Variants in SLCO1A2 observed in about 807,000 individuals in gnomAD.
The protein encoded by SLCO1A2 is solute carrier organic anion transporter family member 1A2.
Under a neutral mutation model 69.0 loss-of-function variants are expected in SLCO1A2, and 67 were observed. The ratio of observed to expected loss-of-function variants is 0.97; its 90% CI spans 0.80 to 1.19. The LOEUF (loss-of-function observed/expected upper bound fraction) is 1.19. SLCO1A2 is among the 50% of genes most tolerant of loss of function. The pLI is 0.00. For missense variants in SLCO1A2, 787 were observed against 793.7 expected (o/e 0.99, Z 0.10); for synonymous variants, 260 against 265.9 (o/e 0.98, Z 0.22).
intron 2 of SLCO1A2, among the ~76,000 whole-genome samples, chr12:21,353,579 G>A (rs1938131865): frequency 6.6e-6 from 1 of 152,154 alleles, no homozygotes; most frequent in Admixed American, 6.5e-5. Context: ...TATCCCGTTT[G>A]TTCTCCCTTT....
intron 2 of SLCO1A2, among the ~76,000 whole-genome samples, chr12:21,321,825 A>T (rs1020560756): frequency 4.6e-5 from 7 of 152,238 alleles, no homozygotes; most frequent in Non-Finnish European, 8.8e-5. Flanking sequence ...CCATTCATTC[A>T]TTCTTTATCT....
At chr12:21,388,907 T>C (rs1046821796) in intron 1 of SLCO1A2, among the ~76,000 whole-genome samples, 4 of 152,240 alleles carry the variant, frequency 2.6e-5, no homozygotes, top group African/African-American at 9.6e-5. Flanking sequence ...CCAGAGTATA[T>C]GCAAACATAG....
In SLCO1A2 at chr12:21,299,892, A is replaced by G. The variant is rs201960366; in HGVS notation, c.910+456T>C. On this transcript the variant is annotated intron_variant, in intron 8 of 14. Coordinates refer to ENST00000683939, the MANE Select transcript of SLCO1A2 (RefSeq NM_001386879.1). The stretch of plus-strand genomic sequence containing the variant: ...CGTGTGTGTATATATATATACGTGT[A>G]TATATATATATACGTGTGTGTATAT... Among the ~76,000 whole-genome samples the G allele has an allele frequency of 6.0e-4, 9 of 14,886 alleles. No homozygotes were observed. The Admixed American group carries it at 6.6e-3, about 11-fold the overall frequency. 9.8% of individuals were successfully genotyped at this position (14,886 alleles called of 152,430 possible). A position where few individuals can be genotyped will look rare whatever the true frequency, so the allele number is the denominator to read the frequency against.
intron 10 of SLCO1A2, chr12:21,294,919 A>G (rs1483631017): frequency 6.6e-6 from 1 of 152,150 alleles, no homozygotes; most frequent in African/African-American, 2.4e-5. Context: ...ATTTCAATCT[A>G]ATAAACCTTG....
intron 2 of SLCO1A2, among the ~76,000 whole-genome samples, chr12:21,368,618 T>A (rs558162765): frequency 6.6e-6 from 1 of 152,258 alleles, no homozygotes; most frequent in African/African-American, 2.4e-5. Flanking sequence ...CTAAAAAATG[T>A]ACAGTTAAAA....
At chr12:21,300,599 C>T in intron 7 of SLCO1A2, 30 bp from the exon 8 acceptor site, 2 of 1,488,938 alleles carry the variant, frequency 1.3e-6, no homozygotes, top group Non-Finnish European at 1.8e-6. Flanking sequence ...CTGTTATTAG[C>T]TTAAGTCAGT....
intron 12 of SLCO1A2, among the ~76,000 whole-genome samples, chr12:21,284,713 C>T (rs1451063791): frequency 4.0e-4 from 51 of 126,282 alleles, no homozygotes; most frequent in East Asian, 3.1e-3. Context: ...CACTCAAAAC[C>T]GCTCAACTAC....
chr12:21,400,124 T>A (rs1941638006), upstream of SLCO1A2, among the ~76,000 whole-genome samples: 1 of 151,888 alleles, frequency 6.6e-6, no homozygotes, highest in Non-Finnish European at 1.5e-5. Flanking sequence ...CGCAACCTAC[T>A]CATCTGACAA....
intron 12 of SLCO1A2, among the ~76,000 whole-genome samples, chr12:21,282,762 A>G (rs1207690393): frequency 6.6e-6 from 1 of 152,142 alleles, no homozygotes; most frequent in Admixed American, 6.6e-5. Context: ...CAAAATCAAC[A>G]TAAAAAATCA....
upstream of SLCO1A2, among the ~76,000 whole-genome samples, chr12:21,396,667 G>A (rs1245586436): frequency 6.6e-6 from 1 of 152,052 alleles, no homozygotes; most frequent in African/African-American, 2.4e-5. Context: ...GACTAAAAGT[G>A]GATCTCTCAG....
chr12:21,393,102 C>A (rs1480911570), intron 1 of SLCO1A2, among the ~76,000 whole-genome samples: 1 of 152,056 alleles, frequency 6.6e-6, no homozygotes, highest in Non-Finnish European at 1.5e-5. Context: ...TTAGCACTGG[C>A]CAAATACCTT....
intron 2 of SLCO1A2, among the ~76,000 whole-genome samples, chr12:21,330,477 C>G (rs1228873255): frequency 6.6e-6 from 1 of 151,898 alleles, no homozygotes; most frequent in Non-Finnish European, 1.5e-5. Context: ...CCACTGCACT[C>G]CAGCCTGGGT....
chr12:21,292,225 A>T lies in SLCO1A2; in HGVS notation c.1549T>A (p.Ser517Thr). Residue 517 changes from serine to threonine, a missense_variant, in exon 12 of 15, where the codon TCA becomes ACA. Coordinates refer to ENST00000683939, the MANE Select transcript of SLCO1A2 (RefSeq NM_001386879.1). Reference protein sequence around the residue: ...SLMLQYFLILSAMSSFIYSLA... With the variant: ...SLMLQYFLILTAMSSFIYSLA... ...GAATAAATGAAACTGCTCATCGCTG[A>T]CAAGATTAGGAAGTACTGGAGCATC... The T allele has an allele frequency of 6.2e-7, 1 of 1,612,922 alleles. No individual in the cohort carries two copies. The highest frequency in any genetic ancestry group is 8.5e-7 in the Non-Finnish European group (1 of 1,179,276).
intron 2 of SLCO1A2, among the ~76,000 whole-genome samples, chr12:21,355,554 G>A (rs1938301078): frequency 6.6e-6 from 1 of 152,182 alleles, no homozygotes; most frequent in African/African-American, 2.4e-5. Context: ...GGGAGCTGAT[G>A]TGAGTTTCCT....
chr12:21,411,107 G>GA (rs950393248), intron 1 of SLCO1A2, among the ~76,000 whole-genome samples: 11 of 150,678 alleles, frequency 7.3e-5, no homozygotes, highest in Admixed American at 2.0e-4. Context: ...GCCTGAGGAA[G>GA]AAAAAAAAAT....
chr12:21,348,594 C>CT (rs960238832), intron 2 of SLCO1A2, among the ~76,000 whole-genome samples: 10 of 152,012 alleles, frequency 6.6e-5, no homozygotes, highest in African/African-American at 2.4e-4. Flanking sequence ...TTTTTACTCC[C>CT]TTTTTTAAAA....
At chr12:21,315,346 G>A (rs373657443) in intron 3 of SLCO1A2, among the ~76,000 whole-genome samples, 1 of 152,124 alleles carries the variant, frequency 6.6e-6, no homozygotes, top group Admixed American at 6.5e-5. Context: ...GTCTTAGGAC[G>A]AAGCTTTAGA....
intron 9 of SLCO1A2, among the ~76,000 whole-genome samples, chr12:21,297,202 T>C (rs891930381): frequency 6.6e-6 from 1 of 150,402 alleles, no homozygotes; most frequent in African/African-American, 2.5e-5. Context: ...CCTTTCTTTC[T>C]TTCCTTCTTT....
intron 12 of SLCO1A2, among the ~76,000 whole-genome samples, chr12:21,284,955 G>T: frequency 3.4e-5 from 3 of 88,648 alleles, no homozygotes; most frequent in African/African-American, 1.0e-4. Flanking sequence ...AACTAGAAAA[G>T]CAAGAGCAAA....
Sources: gnomAD v4.1 joint callset for allele counts (sites outside exome capture counted in the v4.1 genomes callset) on GRCh38, gnomAD v4.1.1 for gene constraint, MANE v1.5 for transcripts, NCBI Gene and HGNC (gene_info 2026-07-23, HGNC 2026-07-21) for gene names.